The following AGBL1 variants were observed in gnomAD, a reference collection of about 807,000 sequenced individuals.
AGBL1 encodes cytosolic carboxypeptidase 4.
A neutral mutation model predicts 118.9 loss-of-function variants in AGBL1; 130 were observed. That is an observed-to-expected ratio of 1.09 (90% CI 0.95 to 1.26). The LOEUF is 1.26. AGBL1 is among the 50% of genes most tolerant of loss of function. The pLI is 0.00. For synonymous variants in AGBL1, 555 were observed against 478.9 expected (o/e 1.16, Z -2.08); for missense variants, 1,584 against 1,298.1 (o/e 1.22, Z -3.38).
chr15:86,381,843 T>G (rs1442143061), intron 17 of AGBL1, among the ~76,000 whole-genome samples: 1 of 151,970 alleles, frequency 6.6e-6, no homozygotes, highest in African/African-American at 2.4e-5. Context: ...GTCTGTGGCA[T>G]GGGGTGAACA....
chr15:86,101,685 T>C (rs1431918482), intron 1 of AGBL1, among the ~76,000 whole-genome samples: 1 of 151,994 alleles, frequency 6.6e-6, no homozygotes, highest in Admixed American at 6.5e-5. Flanking sequence ...GCTATAAGTA[T>C]AGCTACTGCT....
At chr15:86,891,154 T>C (rs546460996) in intron 22 of AGBL1, among the ~76,000 whole-genome samples, 1 of 152,288 alleles carries the variant, frequency 6.6e-6, no homozygotes, top group East Asian at 1.9e-4. Context: ...TAATTGTGAA[T>C]GGGAGTTCGT....
At chr15:86,918,668 A>G (rs1699499192), downstream of AGBL1, among the ~76,000 whole-genome samples, 1 of 152,198 alleles carries the variant, frequency 6.6e-6, no homozygotes, top group Admixed American at 6.5e-5. Context: ...CCACATTTCC[A>G]GACAAAAATG....
At chr15:86,289,074 CAAAATA>C (rs989154715) in intron 16 of AGBL1, among the ~76,000 whole-genome samples, 32 of 152,152 alleles carry the variant, frequency 2.1e-4, no homozygotes, top group Non-Finnish European at 7.4e-5. Flanking sequence ...CAGAGGCAAA[CAAAATA>C]AAGAGATAAT....
intron 18 of AGBL1, among the ~76,000 whole-genome samples, chr15:86,439,669 A>C (rs2142051965): frequency 6.6e-6 from 1 of 152,290 alleles, no homozygotes; most frequent in African/African-American, 2.4e-5. Context: ...GAAATCCAAC[A>C]CTTTTCAAAC....
intron 22 of AGBL1, among the ~76,000 whole-genome samples, chr15:86,681,486 G>A (rs2085955741): frequency 6.6e-6 from 1 of 152,128 alleles, no homozygotes; most frequent in African/African-American, 2.4e-5. Flanking sequence ...CCCCTGAAGT[G>A]CACCACTGCC....
chr15:87,021,296 A>G (rs2141803342), intron 24 of AGBL1, among the ~76,000 whole-genome samples: 1 of 152,302 alleles, frequency 6.6e-6, no homozygotes, highest in South Asian at 2.1e-4. Flanking sequence ...CATATGCAGA[A>G]AATTAAAACT....
chr15:86,752,012 A>T (rs938028364), intron 22 of AGBL1, among the ~76,000 whole-genome samples: 2 of 152,106 alleles, frequency 1.3e-5, no homozygotes, highest in Non-Finnish European at 2.9e-5. Flanking sequence ...GGAGCACTTT[A>T]TTACCTTGGT....
At chr15:87,023,188 A>C (rs916457596) in intron 24 of AGBL1, among the ~76,000 whole-genome samples, 1 of 152,094 alleles carries the variant, frequency 6.6e-6, no homozygotes, top group Non-Finnish European at 1.5e-5. Flanking sequence ...ACAGAATTGC[A>C]GAATGAATAA....
At chr15:86,865,911 G>A (rs892420372) in intron 22 of AGBL1, among the ~76,000 whole-genome samples, 2 of 152,186 alleles carry the variant, frequency 1.3e-5, no homozygotes, top group Non-Finnish European at 2.9e-5. Context: ...ATGAGTTAAT[G>A]CATATGAAGT....
chr15:86,506,353 G>A (rs565426404), intron 18 of AGBL1, among the ~76,000 whole-genome samples: 28 of 152,078 alleles, frequency 1.8e-4, no homozygotes, highest in African/African-American at 6.3e-4. Context: ...TTTTAAGTTC[G>A]GTGGTTTGCC....
intron 16 of AGBL1, among the ~76,000 whole-genome samples, chr15:86,285,295 A>C (rs1306648165): frequency 6.6e-6 from 1 of 152,116 alleles, no homozygotes; most frequent in African/African-American, 2.4e-5. Context: ...TGAGGGGTGC[A>C]GGGAGATGGA....
intron 13 of AGBL1, among the ~76,000 whole-genome samples, chr15:86,267,497 C>T (rs969295429): frequency 2.0e-5 from 3 of 152,276 alleles, no homozygotes; most frequent in South Asian, 2.1e-4. Flanking sequence ...CTTCTCTATG[C>T]CTGTTGCTCT....
At chr15:86,831,469 G>T (rs1410917917) in intron 22 of AGBL1, among the ~76,000 whole-genome samples, 1 of 152,182 alleles carries the variant, frequency 6.6e-6, no homozygotes, top group Non-Finnish European at 1.5e-5. Flanking sequence ...TACAGGTATT[G>T]GGTAAATACA....
chr15:86,671,311 C>A (rs1053244683), intron 21 of AGBL1, among the ~76,000 whole-genome samples: 3 of 152,044 alleles, frequency 2.0e-5, no homozygotes, highest in Non-Finnish European at 4.4e-5. Context: ...ATAGTGTGGC[C>A]TTTATTTTAT....
intron 23 of AGBL1, among the ~76,000 whole-genome samples, chr15:86,925,600 G>T (rs1349528510): frequency 6.6e-6 from 1 of 151,776 alleles, no homozygotes; most frequent in Non-Finnish European, 1.5e-5. Context: ...CTCAAGCCTT[G>T]TTCTTATGTA....
intron 22 of AGBL1, among the ~76,000 whole-genome samples, chr15:86,740,136 T>C (rs962531326): frequency 2.6e-5 from 4 of 152,232 alleles, no homozygotes; most frequent in Non-Finnish European, 4.4e-5. Context: ...GCCCAGCAAG[T>C]ACATTTCATT....
chr15:86,949,203 C>G (rs2080854491), intron 23 of AGBL1, among the ~76,000 whole-genome samples: 1 of 152,036 alleles, frequency 6.6e-6, no homozygotes, highest in Non-Finnish European at 1.5e-5. Flanking sequence ...TTTTGTTTCT[C>G]TTTTTGATAG....
At chr15:86,469,172 C>T (rs1199478685) in intron 18 of AGBL1, among the ~76,000 whole-genome samples, 1 of 152,090 alleles carries the variant, frequency 6.6e-6, no homozygotes, top group Non-Finnish European at 1.5e-5. Context: ...ACAAGTTCTC[C>T]AGAACTTACT....
Sources: gnomAD v4.1 joint callset for allele counts (sites outside exome capture counted in the v4.1 genomes callset) on GRCh38, gnomAD v4.1.1 for gene constraint, MANE v1.5 for transcripts, NCBI Gene and HGNC (gene_info 2026-07-23, HGNC 2026-07-21) for gene names.